The following VEZT variants were observed in gnomAD, a reference collection of about 807,000 sequenced individuals.
The protein encoded by VEZT is vezatin.
In VEZT, 39 loss-of-function variants were observed where a neutral mutation model predicts 79.9. The observed-to-expected ratio is 0.49, with a 90% CI of 0.38 to 0.64. The LOEUF (loss-of-function observed/expected upper bound fraction) is 0.64. VEZT is among the 30% of genes least tolerant of loss of function. The pLI is 0.00. For synonymous variants in VEZT, 325 were observed against 327.6 expected (o/e 0.99, Z 0.09); for missense variants, 837 against 893.1 (o/e 0.94, Z 0.80).
intron 1 of VEZT, among the ~76,000 whole-genome samples, chr12:95,247,623 C>T (rs2061904092): frequency 6.6e-6 from 1 of 152,160 alleles, no homozygotes; most frequent in Non-Finnish European, 1.5e-5. Flanking sequence ...AACAAAAGCT[C>T]TTTGGGGCTC....
In VEZT at chr12:95,302,238, T is replaced by C. The variant is rs889445950; in HGVS notation, c.*1565T>C. The C allele has an allele frequency of 3.9e-5, 6 of 152,320 alleles. No homozygotes were observed. The highest frequency in any genetic ancestry group is 3.9e-4 in the Admixed American group (6 of 15,302). The allele number at this position is 152,320 out of a possible 1,614,324, so 9.4% of individuals were successfully genotyped here. A position where few individuals can be genotyped will look rare whatever the true frequency, so the allele number is the denominator to read the frequency against. On this transcript the variant is annotated 3_prime_UTR_variant, in exon 12 of 12. Transcript: ENST00000436874. ...AAAAACTTGGTAATCTCTCTCAACC[T>C]ATAACCTTACACAGGAAGAATTAGA...
intron 8 of VEZT, among the ~76,000 whole-genome samples, chr12:95,285,591 TC>T (rs1198700550): frequency 6.6e-6 from 1 of 152,124 alleles, no homozygotes; most frequent in Non-Finnish European, 1.5e-5. Context: ...AATTTTCCCT[TC>T]TTCTGATTTC....
intron 8 of VEZT, chr12:95,286,973 T>A (rs547418126): frequency 1.4e-5 from 2 of 139,230 alleles, no homozygotes; most frequent in Non-Finnish European, 3.1e-5. Flanking sequence ...GGAGCTGTTG[T>A]TGGCAGGGGA....
At chr12:95,284,861 G>A (rs1422128399) in intron 8 of VEZT, among the ~76,000 whole-genome samples, 3 of 151,982 alleles carry the variant, frequency 2.0e-5, no homozygotes, top group African/African-American at 4.8e-5. Flanking sequence ...TAAAGGCTGA[G>A]GATCACGAGG....
intron 1 of VEZT, among the ~76,000 whole-genome samples, chr12:95,249,410 G>T (rs1377025402): frequency 6.6e-6 from 1 of 152,142 alleles, no homozygotes; most frequent in African/African-American, 2.4e-5. Context: ...CTTTGAAAAT[G>T]CAGATTCACT....
intron 4 of VEZT, among the ~76,000 whole-genome samples, chr12:95,264,063 A>C (rs755535295): frequency 6.6e-6 from 1 of 152,208 alleles, no homozygotes; most frequent in Non-Finnish European, 1.5e-5. Context: ...AAGTACACTA[A>C]ATCACTATTC....
intron 2 of VEZT, among the ~76,000 whole-genome samples, chr12:95,255,431 A>C (rs1039049375): frequency 6.6e-5 from 10 of 151,974 alleles, no homozygotes; most frequent in Non-Finnish European, 1.2e-4. Flanking sequence ...TGAGTGATTA[A>C]TTTTCTTTTC....
chr12:95,244,941 T>G (rs937417583), intron 1 of VEZT, among the ~76,000 whole-genome samples: 1 of 152,178 alleles, frequency 6.6e-6, no homozygotes, highest in African/African-American at 2.4e-5. Flanking sequence ...TATTTTAAAA[T>G]ACCACTTTTG....
In VEZT at chr12:95,282,633, A is replaced by G. The variant is rs1310452230; in HGVS notation, c.1317A>G (p.Ala439=). 3.8e-6 allele frequency: 6 copies of G among 1,598,148 alleles called. No individual in the cohort carries two copies. The highest frequency in any genetic ancestry group is 4.3e-6 in the Non-Finnish European group (5 of 1,170,280). The change falls in exon 8 of 12, where the codon GCA becomes GCG. Residue 439 remains alanine (A), a synonymous_variant. Transcript: ENST00000436874. ...AVRSLQLHLK[A]LLNEVIILED... is the part of the protein sequence containing the mutation. ...GTAGCTTGCAGCTCCATCTGAAAGC[A>G]TTACTGAATGAGTAAGTTTAGAAAT...
At chr12:95,254,860 G>A (rs558061472) in intron 2 of VEZT, among the ~76,000 whole-genome samples, 1 of 152,052 alleles carries the variant, frequency 6.6e-6, no homozygotes, top group Non-Finnish European at 1.5e-5. Flanking sequence ...TTTTGCATAT[G>A]CTTGTTAGTA....
chr12:95,245,618 G>T, intron 1 of VEZT: 1 of 455,892 alleles, frequency 2.2e-6, no homozygotes, highest in South Asian at 1.6e-5. Context: ...TCTGGCCCAA[G>T]ACCTGAAAGC....
chr12:95,221,283 TG>T (rs1448230221), intron 1 of VEZT, among the ~76,000 whole-genome samples: 9 of 152,196 alleles, frequency 5.9e-5, no homozygotes, highest in Non-Finnish European at 1.3e-4. Flanking sequence ...ATCTGCAGAT[TG>T]GACCAACCGT....
chr12:95,240,068 G>GAAA (rs1491371060), intron 1 of VEZT, among the ~76,000 whole-genome samples: 6 of 69,138 alleles, frequency 8.7e-5, no homozygotes, highest in African/African-American at 3.3e-4. Flanking sequence ...AAGGAAGGAA[G>GAAA]GAAGGAAGAA....
chr12:95,266,731 A>G (rs1043926317), intron 5 of VEZT, 99 bp downstream of exon 5: 26 of 1,250,472 alleles, frequency 2.1e-5, no homozygotes, highest in East Asian at 5.2e-5. Context: ...CATTTATAGG[A>G]AAAAAAAGTG....
intron 8 of VEZT, chr12:95,286,618 A>T (rs2070951963): frequency 2.3e-6 from 1 of 441,834 alleles, no homozygotes; most frequent in African/African-American, 2.1e-5. Flanking sequence ...GAGAATTAAG[A>T]AATGCTTCAA....
intron 1 of VEZT, among the ~76,000 whole-genome samples, chr12:95,227,185 A>G (rs2058608586): frequency 6.6e-6 from 1 of 152,174 alleles, no homozygotes; most frequent in African/African-American, 2.4e-5. Flanking sequence ...TTTTTTAGAC[A>G]GGGTCTCACT....
rs534596407 is a variant in VEZT, at chr12:95,224,123, ACCC to A, written c.36+6238_36+6240del. 53 of 455,536 alleles carry A rather than the reference ACCC, an allele frequency of 1.2e-4. No individual in the cohort carries two copies. In the East Asian group the frequency reaches 2.9e-3, roughly 25 times the overall value. 28.2% of individuals were successfully genotyped at this position (455,536 alleles called of 1,614,324 possible). On this transcript the variant is annotated intron_variant, in intron 1 of 11. Transcript: ENST00000436874. Reference sequence around the variant, plus strand: ...CTGTGTCCCTCAGACCCATAATTCCACCCTGATCATTATGGACTGCATCACTGC... The same window carrying A: ...CTGTGTCCCTCAGACCCATAATTCCATGATCATTATGGACTGCATCACTGC...
At position 95,247,970 on chromosome 12, in the gene VEZT, C is replaced by T. The variant is rs144710328; in HGVS notation, c.37-3970C>T. ...TTTATTAAACCTGCAATACATTCACCTCAGTCTCCAAAGGTTGTCTTCTAT... is the reference window on the plus strand; with the variant it reads ...TTTATTAAACCTGCAATACATTCACTTCAGTCTCCAAAGGTTGTCTTCTAT... On this transcript the variant is annotated intron_variant, in intron 1 of 11. Coordinates refer to ENST00000436874, the MANE Select transcript of VEZT (RefSeq NM_017599.4). Among the ~76,000 whole-genome samples, 86 of 152,254 alleles carry T rather than the reference C, an allele frequency of 5.6e-4. No individual in the cohort carries two copies. The East Asian group carries it at 8.9e-3, about 16-fold the overall frequency.
chr12:95,259,981 T>G (rs2064106803), intron 3 of VEZT, among the ~76,000 whole-genome samples: 1 of 152,212 alleles, frequency 6.6e-6, no homozygotes, highest in Non-Finnish European at 1.5e-5. Flanking sequence ...GTTCAAGTTT[T>G]TCCTCTACGT....
Sources: gnomAD v4.1 joint callset for allele counts (sites outside exome capture counted in the v4.1 genomes callset) on GRCh38, gnomAD v4.1.1 for gene constraint, MANE v1.5 for transcripts, NCBI Gene and HGNC (gene_info 2026-07-23, HGNC 2026-07-21) for gene names.